Variants in ATP10A observed in about 807,000 individuals in gnomAD.
ATP10A encodes ATPase phospholipid transporting 10A (putative).
Under a neutral mutation model 147.8 loss-of-function variants are expected in ATP10A, and 111 were observed. That is an observed-to-expected ratio of 0.75 (90% CI 0.64 to 0.88). ATP10A has a LOEUF of 0.88. Ranked by LOEUF, ATP10A falls within the 40% of genes least tolerant of loss-of-function variation. ATP10A has a pLI of 0.00. For synonymous variants in ATP10A, 875 were observed against 841.6 expected (o/e 1.04, Z -0.69); for missense variants, 1,927 against 1,959.0 (o/e 0.98, Z 0.31).
chr15:25,729,187 G>A (rs1902792202), intron 3 of ATP10A, among the ~76,000 whole-genome samples: 1 of 152,176 alleles, frequency 6.6e-6, no homozygotes, highest in African/African-American at 2.4e-5. Flanking sequence ...AGATCCTTAA[G>A]TTAAAATGAG....
chr15:25,797,176 T>A (rs1427039064), intron 1 of ATP10A, among the ~76,000 whole-genome samples: 1 of 152,142 alleles, frequency 6.6e-6, no homozygotes. Flanking sequence ...TTCTATGAAT[T>A]CAACATTTTT....
chr15:25,812,023 G>T (rs1346025685), intron 1 of ATP10A, among the ~76,000 whole-genome samples: 1 of 152,180 alleles, frequency 6.6e-6, no homozygotes, highest in East Asian at 1.9e-4. Flanking sequence ...CCCAGCGCAC[G>T]CTCCCCGTTC....
intron 1 of ATP10A, among the ~76,000 whole-genome samples, chr15:25,834,749 T>C (rs12904768): frequency 0.46 from 69,736 of 152,072 alleles, 18,265 homozygotes; most frequent in East Asian, 0.67. Context: ...AAACAAGATG[T>C]GGTACATCCA....
chr15:25,723,990 C>T lies in ATP10A; in HGVS notation c.1011G>A (p.Glu337=), dbSNP rs577178705. 132 of 1,607,366 alleles carry T rather than the reference C, an allele frequency of 8.2e-5. 5 individuals carry two copies. The South Asian group carries it at 1.4e-3, about 16-fold the overall frequency. ...GHGLWIWRYQ[E]KKSLFYVPKS... ...TGGGGACATAAAATAATGACTTCTTCTCTTGATACCGCCATATCCACAGTC... is the reference window on the plus strand; with the variant it reads ...TGGGGACATAAAATAATGACTTCTTTTCTTGATACCGCCATATCCACAGTC... The change falls in exon 6 of 21, where the codon GAG becomes GAA. Residue 337 remains glutamate (E), a synonymous_variant. Transcript: ENST00000555815.
In ATP10A at chr15:25,679,389, C is replaced by T. The variant is rs765210750; in HGVS notation, c.4452G>A (p.Gly1484=). The change falls in exon 21 of 21, where the codon GGG becomes GGA. Residue 1484 remains glycine (G), a synonymous_variant. Coordinates refer to ENST00000555815, the MANE Select transcript of ATP10A (RefSeq NM_024490.4). The part of the protein sequence containing the change: ...QPHSGRSGLQ[G]PDHRLLIGAS... ...CTCCTATAAGTAGTCTGTGGTCTGG[C>T]CCTTGAAGTCCTGATCGGCCTGAGT... 4 of 1,608,316 alleles carry T rather than the reference C, an allele frequency of 2.5e-6. No homozygotes were observed. The highest frequency in any genetic ancestry group is 2.7e-5 in the African/African-American group (2 of 74,838).
chr15:25,852,115 C>T (rs1893323225), intron 1 of ATP10A, among the ~76,000 whole-genome samples: 2 of 151,964 alleles, frequency 1.3e-5, no homozygotes, highest in Non-Finnish European at 2.9e-5. Flanking sequence ...GCTATCTTCT[C>T]TCTTCCCCTC....
intron 1 of ATP10A, among the ~76,000 whole-genome samples, chr15:25,789,565 AGTGTGTGT>A (rs59744412): frequency 7.1e-6 from 1 of 141,332 alleles, no homozygotes; most frequent in African/African-American, 2.6e-5. Flanking sequence ...CCAATAAAGA[AGTGTGTGT>A]GTGTGTGTGT....
downstream of ATP10A, chr15:25,678,465 T>G (rs1013658522): frequency 6.6e-6 from 1 of 152,056 alleles, no homozygotes; most frequent in Non-Finnish European, 1.5e-5. Context: ...TTTCTAGTTT[T>G]AGAGGGACAG....
intron 14 of ATP10A, among the ~76,000 whole-genome samples, chr15:25,693,777 C>T (rs572204361): frequency 6.6e-6 from 1 of 152,178 alleles, no homozygotes; most frequent in South Asian, 2.1e-4. Flanking sequence ...GGCAGGGTCC[C>T]CATGACGACC....
chr15:25,807,833 A>AG (rs398078054), intron 1 of ATP10A, among the ~76,000 whole-genome samples: 4 of 151,654 alleles, frequency 2.6e-5, no homozygotes, highest in African/African-American at 7.3e-5. Flanking sequence ...AGAAAAAAAA[A>AG]ACCCAACATG....
intron 2 of ATP10A, among the ~76,000 whole-genome samples, chr15:25,751,556 TA>T (rs1265000745): frequency 3.9e-5 from 6 of 152,074 alleles, no homozygotes; most frequent in Admixed American, 1.3e-4. Flanking sequence ...ACTCACATTA[TA>T]AAAAATATTT....
Position 25,685,824 on chromosome 15 carries a change from TAAA to T in ATP10A, c.3291+1876_3291+1878del, listed in dbSNP as rs34929669. On this transcript the variant is annotated intron_variant, in intron 16 of 20. Transcript: ENST00000555815. ...GGGCAACAGAATCAGACCCTGTCTTTAAAAAAAAAAAAAAAAAAATCCAAAGCA... is the reference window on the plus strand; with the variant it reads ...GGGCAACAGAATCAGACCCTGTCTTTAAAAAAAAAAAAAAAATCCAAAGCA... Among the ~76,000 whole-genome samples, 1,168 of 139,280 alleles carry T rather than the reference TAAA, an allele frequency of 8.4e-3. 15 individuals are homozygous for T. Among genetic ancestry groups the T allele is most frequent in the African/African-American group, 0.025 (928 of 37,688 alleles). 91.4% of individuals were successfully genotyped at this position (139,280 alleles called of 152,430 possible).
At chr15:25,745,561 T>C (rs568568045) in intron 2 of ATP10A, among the ~76,000 whole-genome samples, 1 of 151,960 alleles carries the variant, frequency 6.6e-6, no homozygotes, top group African/African-American at 2.4e-5. Flanking sequence ...ATCTCTGCTA[T>C]AAGAAAGAGA....
chr15:25,846,682 A>G (rs1893038168), intron 1 of ATP10A, among the ~76,000 whole-genome samples: 1 of 152,198 alleles, frequency 6.6e-6, no homozygotes, highest in Non-Finnish European at 1.5e-5. Flanking sequence ...GACACGTGCA[A>G]TGTTCCTTCA....
chr15:25,835,757 A>G (rs111834555), intron 1 of ATP10A, among the ~76,000 whole-genome samples: 12,364 of 152,190 alleles, frequency 0.081, 961 homozygotes, highest in African/African-American at 0.2. Flanking sequence ...TCAGCCTCCC[A>G]AGTAGCTGGA....
intron 16 of ATP10A, 79 bp from the exon 17 acceptor site, chr15:25,683,565 G>A (rs1899546800): frequency 7.4e-7 from 1 of 1,353,628 alleles, no homozygotes. Flanking sequence ...GAGCTGACAG[G>A]CCTGCAGAGT....
intron 13 of ATP10A, among the ~76,000 whole-genome samples, chr15:25,697,158 C>T (rs4906747): frequency 6.6e-6 from 1 of 152,132 alleles, no homozygotes; most frequent in Admixed American, 6.5e-5. Context: ...CATAACAAAG[C>T]CTTTGAGAGG....
chr15:25,736,090 GCTT>G lies in ATP10A; in HGVS notation c.703_705del (p.Lys235del). 2 of 1,613,696 alleles carry G rather than the reference GCTT, an allele frequency of 1.2e-6. No individual in the cohort carries two copies. Among genetic ancestry groups the G allele is most frequent in the Non-Finnish European group, 1.7e-6 (2 of 1,180,040 alleles). On this transcript the variant is annotated inframe_deletion, in exon 3 of 21. Coordinates refer to ENST00000555815, the MANE Select transcript of ATP10A (RefSeq NM_024490.4). ...CGAAACCTACTCAGGTCGTTGTTTG[GCTT>G]CTCGCATTCGATCACGCTGGTGAAC...
Position 25,681,032 on chromosome 15 carries a change from C to T in ATP10A, c.3535G>A (p.Ala1179Thr), listed in dbSNP as rs2076744. The stretch of plus-strand genomic sequence containing the variant: ...GAAAAGCAAACCAGGCTCTGGAAGG[C>T]GGCGTCGGCCATGTTAAACCAGAAC... Reference protein sequence around the residue: ...RTFWFNMADAAFQSLVCFSIP... With the variant: ...RTFWFNMADATFQSLVCFSIP... Residue 1179 changes from alanine to threonine, a missense_variant, in exon 18 of 21, where the codon GCC becomes ACC. Physicochemically the swap from Ala to Thr is moderately conservative, Grantham distance 58. Coordinates refer to ENST00000555815, the MANE Select transcript of ATP10A (RefSeq NM_024490.4). The T allele has an allele frequency of 0.18, 288,109 of 1,612,706 alleles. 30,255 individuals carry two copies. Among genetic ancestry groups the T allele is most frequent in the African/African-American group, 0.43 (32,165 of 74,888 alleles).
Sources: allele counts gnomAD v4.1 joint callset (sites outside exome capture counted in the v4.1 genomes callset), GRCh38; gene constraint gnomAD v4.1.1; transcripts MANE v1.5; gene names NCBI Gene and HGNC (gene_info 2026-07-23, HGNC 2026-07-21).